The following CGGBP1 variants were observed in gnomAD, a reference collection of about 807,000 sequenced individuals.
The protein encoded by CGGBP1 is CGG triplet repeat-binding protein 1.
CGGBP1 carries 4 observed loss-of-function variants against 11.4 expected under a neutral mutation model. The ratio of observed to expected loss-of-function variants is 0.35; its 90% CI spans 0.17 to 0.80. The LOEUF is 0.80. Ranked by LOEUF, CGGBP1 falls within the 30% of genes least tolerant of loss-of-function variation. CGGBP1 has a pLI of 0.52. For synonymous variants in CGGBP1, 76 were observed against 74.1 expected (o/e 1.03, Z -0.13); for missense variants, 135 against 202.1 (o/e 0.67, Z 2.01).
chr3:88,068,300 C>CT (rs757476969), intron 2 of CGGBP1, among the ~76,000 whole-genome samples: 1 of 151,996 alleles, frequency 6.6e-6, no homozygotes, highest in Non-Finnish European at 1.5e-5. Flanking sequence ...AGTTAATTAA[C>CT]TTTGAGACAG....
chr3:88,067,854 T>C (rs1707288899), intron 2 of CGGBP1, among the ~76,000 whole-genome samples: 3 of 151,974 alleles, frequency 2.0e-5, no homozygotes. Flanking sequence ...ACTGGAGGCA[T>C]TGTGGATTGA....
chr3:88,095,168 T>C (rs1212044848), intron 2 of CGGBP1, among the ~76,000 whole-genome samples: 1 of 152,186 alleles, frequency 6.6e-6, no homozygotes, highest in East Asian at 1.9e-4. Flanking sequence ...AATTTGCTCC[T>C]TGTTTTGTAG....
chr3:88,108,152 T>C (rs538504530), intron 2 of CGGBP1, among the ~76,000 whole-genome samples: 3 of 151,950 alleles, frequency 2.0e-5, no homozygotes, highest in African/African-American at 7.3e-5. Flanking sequence ...TTTTTGACCA[T>C]GTAGGTATAT....
intron 2 of CGGBP1, among the ~76,000 whole-genome samples, chr3:88,088,849 T>G (rs1002957540): frequency 6.6e-6 from 1 of 151,928 alleles, no homozygotes; most frequent in Non-Finnish European, 1.5e-5. Context: ...CTCGGCTCAC[T>G]GCAACCTACA....
chr3:88,056,505 GTT>G (rs1706545078), intron 3 of CGGBP1: 1 of 142,476 alleles, frequency 7.0e-6, no homozygotes, highest in South Asian at 2.5e-4. Context: ...GATGAATATA[GTT>G]TCCAAAATTG....
intron 2 of CGGBP1, among the ~76,000 whole-genome samples, chr3:88,080,845 A>C (rs1708040562): frequency 6.6e-6 from 1 of 152,198 alleles, no homozygotes; most frequent in African/African-American, 2.4e-5. Context: ...TTAAAACTGA[A>C]CTAATTTTAG....
chr3:88,146,558 A>G (rs1707316349), intron 1 of CGGBP1, among the ~76,000 whole-genome samples: 1 of 152,154 alleles, frequency 6.6e-6, no homozygotes, highest in African/African-American at 2.4e-5. Context: ...CTAGCATGCT[A>G]GTTTTATCGT....
chr3:88,136,024 G>A (rs1195117038), intron 2 of CGGBP1, among the ~76,000 whole-genome samples: 4 of 151,740 alleles, frequency 2.6e-5, no homozygotes, highest in African/African-American at 4.8e-5. Context: ...TGATAATTTC[G>A]CTAACTGCAT....
At chr3:88,071,246 G>A (rs1360114642) in intron 2 of CGGBP1, among the ~76,000 whole-genome samples, 4 of 152,086 alleles carry the variant, frequency 2.6e-5, no homozygotes, top group East Asian at 3.9e-4. Flanking sequence ...GTGGTGGCTC[G>A]CGGCTGTAAT....
intron 2 of CGGBP1, among the ~76,000 whole-genome samples, chr3:88,097,364 T>TG (rs1394953108): frequency 1.3e-5 from 2 of 148,848 alleles, no homozygotes; most frequent in African/African-American, 4.9e-5. Flanking sequence ...TGTCAACAGT[T>TG]TTTTTTTTTT....
chr3:88,107,691 T>C (rs1383939203), intron 2 of CGGBP1, among the ~76,000 whole-genome samples: 2 of 152,198 alleles, frequency 1.3e-5, no homozygotes, highest in African/African-American at 2.4e-5. Context: ...GTAGGTACTC[T>C]GGATAATTTT....
At chr3:88,129,193 A>G (rs1706291875) in intron 2 of CGGBP1, 3 of 524,828 alleles carry the variant, frequency 5.7e-6, no homozygotes, top group Non-Finnish European at 1.0e-5. Flanking sequence ...TGAATTAGTC[A>G]AAATCTGATA....
chr3:88,147,060 A>AC (rs1329172299), intron 1 of CGGBP1, among the ~76,000 whole-genome samples: 2 of 152,296 alleles, frequency 1.3e-5, no homozygotes, highest in Admixed American at 1.3e-4. Context: ...TTCCTGTTTA[A>AC]AACCTGCCAG....
At chr3:88,134,976 G>T in intron 2 of CGGBP1, 1 of 960,890 alleles carries the variant, frequency 1.0e-6, no homozygotes, top group South Asian at 2.6e-5. Context: ...CCCAGCCAGG[G>T]CACTATAGAA....
chr3:88,111,374 A>G (rs1705080065), intron 2 of CGGBP1, among the ~76,000 whole-genome samples: 1 of 151,820 alleles, frequency 6.6e-6, no homozygotes, highest in South Asian at 2.1e-4. Context: ...CAATGTATAA[A>G]CTTTATGTAT....
chr3:88,092,425 A>G (rs1047185943), intron 2 of CGGBP1, among the ~76,000 whole-genome samples: 4 of 152,162 alleles, frequency 2.6e-5, no homozygotes, highest in African/African-American at 9.6e-5. Context: ...ACAGAATGCA[A>G]TGAGAGGGCA....
intron 2 of CGGBP1, chr3:88,140,179 A>G (rs773206561): frequency 6.2e-7 from 1 of 1,613,704 alleles, no homozygotes; most frequent in African/African-American, 1.3e-5. Flanking sequence ...CAGCACACAA[A>G]AAGTCACAGG....
At chr3:88,123,160 ATTCTAT>A (rs1363206434) in intron 2 of CGGBP1, among the ~76,000 whole-genome samples, 1 of 152,160 alleles carries the variant, frequency 6.6e-6, no homozygotes, top group African/African-American at 2.4e-5. Flanking sequence ...AAAAGCCACT[ATTCTAT>A]TTAAGGAACG....
chr3:88,149,089 C>T (rs960222198), intron 1 of CGGBP1, among the ~76,000 whole-genome samples: 2 of 152,194 alleles, frequency 1.3e-5, no homozygotes, highest in African/African-American at 2.4e-5. Context: ...TGCATTTAGT[C>T]TGATTCCTGT....
Sources: gnomAD v4.1 joint callset for allele counts (sites outside exome capture counted in the v4.1 genomes callset) on GRCh38, gnomAD v4.1.1 for gene constraint, MANE v1.5 for transcripts, NCBI Gene and HGNC (gene_info 2026-07-23, HGNC 2026-07-21) for gene names.